GREB1L: variants seen among roughly 807,000 people sequenced by gnomAD.
The protein encoded by GREB1L is GREB1 like retinoic acid receptor coactivator.
GREB1L carries 17 observed loss-of-function variants against 200.8 expected under a neutral mutation model. That is an observed-to-expected ratio of 0.08 (90% confidence interval 0.06 to 0.13). The LOEUF is 0.13. GREB1L is among the 10% of genes least tolerant of loss of function. The pLI, the probability that GREB1L is intolerant of heterozygous loss-of-function variation, is 1.00. For synonymous variants in GREB1L, 789 were observed against 893.0 expected, an observed-to-expected ratio of 0.88 and a Z score of 2.08; for missense variants, 1,657 against 2,367.7, an observed-to-expected ratio of 0.70 and a Z score of 6.23.
chr18:21,460,367 C>A (rs1033514933), intron 15 of GREB1L, among the ~76,000 whole-genome samples: 1 of 151,912 alleles, frequency 6.6e-6, no homozygotes, highest in African/African-American at 2.4e-5. Flanking sequence ...ATTTTTGAGA[C>A]AGAGTTTCGC....
At chr18:21,463,814 A>G (rs532733637) in intron 15 of GREB1L, among the ~76,000 whole-genome samples, 1 of 152,266 alleles carries the variant, frequency 6.6e-6, no homozygotes, top group African/African-American at 2.4e-5. Flanking sequence ...GAGCACATGG[A>G]GCATTTAGGT....
At chr18:21,405,588 G>C (rs1393060857) in intron 7 of GREB1L, among the ~76,000 whole-genome samples, 1 of 152,036 alleles carries the variant, frequency 6.6e-6, no homozygotes, top group Non-Finnish European at 1.5e-5. Flanking sequence ...ATCACTTGAG[G>C]TCAGGAGTTC....
At chr18:21,247,951 G>A (rs1292741015) in intron 1 of GREB1L, among the ~76,000 whole-genome samples, 2 of 152,156 alleles carry the variant, frequency 1.3e-5, no homozygotes, top group African/African-American at 4.8e-5. Context: ...TGATACTGAA[G>A]CACTGTTCTA....
intron 1 of GREB1L, among the ~76,000 whole-genome samples, chr18:21,278,389 AAAATAAATAAAT>A (rs67061918): frequency 0.023 from 2,896 of 125,602 alleles, 123 homozygotes; most frequent in African/African-American, 0.083. Flanking sequence ...TCAAAAAAAA[AAAATAAATAAAT>A]AAATAAATAA....
intron 10 of GREB1L, among the ~76,000 whole-genome samples, chr18:21,442,480 T>G (rs2033952379): frequency 6.6e-6 from 1 of 152,202 alleles, no homozygotes; most frequent in Non-Finnish European, 1.5e-5. Context: ...TAGGAAGCTC[T>G]TTTTGAACAT....
intron 7 of GREB1L, among the ~76,000 whole-genome samples, chr18:21,422,055 C>G (rs1414410051): frequency 1.3e-5 from 2 of 152,176 alleles, no homozygotes; most frequent in African/African-American, 4.8e-5. Flanking sequence ...CTGTGACTTG[C>G]TCAAGGAACT....
rs2145905068 is a variant in GREB1L at position 21,496,398 on chromosome 18, A to G, written c.3147-56A>G. ...TGCATCCAGATCACCAGGCACACAT[A>G]CACACTGCGTGCCTGGCCAGATAGA... is the stretch of plus-strand genomic sequence containing the variant. On this transcript the variant is annotated intron_variant, in intron 20 of 32. Coordinates refer to ENST00000424526, the MANE Select transcript of GREB1L (RefSeq NM_001142966.3). The G allele has an allele frequency of 2.6e-6, 4 of 1,533,202 alleles. No individual in the cohort carries two copies. The East Asian group carries it at 7.3e-5, about 28-fold the overall frequency. The allele number at this position is 1,533,202 out of a possible 1,614,324, so 95.0% of individuals were successfully genotyped here. A position where few individuals can be genotyped will look rare whatever the true frequency, so the allele number is the denominator to read the frequency against.
chr18:21,414,013 G>A (rs72881395), intron 7 of GREB1L, among the ~76,000 whole-genome samples: 31,032 of 152,118 alleles, frequency 0.2, 3,814 homozygotes, highest in East Asian at 0.43. Context: ...TTGGCAATAT[G>A]TAACAAGAAC....
chr18:21,254,224 C>A (rs1176193129), intron 1 of GREB1L, among the ~76,000 whole-genome samples: 1 of 151,824 alleles, frequency 6.6e-6, no homozygotes, highest in Non-Finnish European at 1.5e-5. Context: ...CACACTTCAT[C>A]ACACCCAGCT....
At chr18:21,373,981 T>C (rs1272098002) in intron 2 of GREB1L, among the ~76,000 whole-genome samples, 1 of 152,116 alleles carries the variant, frequency 6.6e-6, no homozygotes, top group Non-Finnish European at 1.5e-5. Flanking sequence ...TAGTCTCGTA[T>C]GTCTTCTAAC....
rs577178865 is a variant in GREB1L, at chr18:21,525,742, A to AGAT, written c.*2923_*2925dup. On this transcript the variant is annotated 3_prime_UTR_variant, in exon 33 of 33. Transcript: ENST00000424526. ...AAGTTGCTAGAACTATGTAGTATGA[A>AGAT]GATGCTGTTATTGTAGTATGAATTA... Among the ~76,000 whole-genome samples the AGAT allele has an allele frequency of 3.9e-5, 6 of 152,352 alleles. No homozygotes were observed. Among genetic ancestry groups the AGAT allele is most frequent in the African/African-American group, 1.4e-4 (6 of 41,596 alleles).
At chr18:21,353,325 A>G (rs1244306247) in intron 1 of GREB1L, among the ~76,000 whole-genome samples, 1 of 152,182 alleles carries the variant, frequency 6.6e-6, no homozygotes, top group Non-Finnish European at 1.5e-5. Flanking sequence ...ATTAACCGAG[A>G]CAGGGTATGC....
chr18:21,516,567 T>C, intron 29 of GREB1L, 46 bp from the exon 30 acceptor site: 1 of 1,523,212 alleles, frequency 6.6e-7, no homozygotes, highest in Non-Finnish European at 8.9e-7. Context: ...TTATCATGGT[T>C]GAGATATGCC....
Position 21,444,221 on chromosome 18 carries a change from C to T in GREB1L, c.1208-3C>T. On this transcript the variant is annotated splice_region_variant and splice_polypyrimidine_tract_variant and intron_variant, in intron 10 of 32. Coordinates refer to ENST00000424526, the MANE Select transcript of GREB1L (RefSeq NM_001142966.3). ...CTGTACTGACCTGCTTCTATTGGGA[C>T]AGGCTATGGCACTTTACCCTATTTC... The T allele has an allele frequency of 6.5e-7, 1 of 1,548,142 alleles. No individual in the cohort carries two copies. Among genetic ancestry groups the T allele is most frequent in the South Asian group, 1.2e-5 (1 of 83,894 alleles).
chr18:21,282,551 TA>T (rs2038286744), intron 1 of GREB1L, among the ~76,000 whole-genome samples: 2 of 152,192 alleles, frequency 1.3e-5, no homozygotes, highest in South Asian at 4.1e-4. Flanking sequence ...GCTACATAGT[TA>T]TTGTTGACAG....
chr18:21,332,570 G>A (rs2039121620), intron 1 of GREB1L, among the ~76,000 whole-genome samples: 1 of 152,090 alleles, frequency 6.6e-6, no homozygotes, highest in Non-Finnish European at 1.5e-5. Flanking sequence ...CACTTCCTGG[G>A]TTTAAGCGAT....
chr18:21,345,893 C>G (rs2039337423), intron 1 of GREB1L, among the ~76,000 whole-genome samples: 1 of 147,948 alleles, frequency 6.8e-6, no homozygotes. Flanking sequence ...AAAAAAAGTA[C>G]TTACAGGGTA....
At chr18:21,320,340 G>A (rs1198366029) in intron 1 of GREB1L, among the ~76,000 whole-genome samples, 1 of 152,104 alleles carries the variant, frequency 6.6e-6, no homozygotes, top group African/African-American at 2.4e-5. Flanking sequence ...TATATAAAAT[G>A]TATGTATAAA....
intron 2 of GREB1L, among the ~76,000 whole-genome samples, chr18:21,367,913 G>A (rs1208711895): frequency 1.3e-5 from 2 of 152,180 alleles, no homozygotes; most frequent in African/African-American, 4.8e-5. Context: ...CCGCTTATAT[G>A]ATTGTGGATA....
Sources: allele counts gnomAD v4.1 joint callset (sites outside exome capture counted in the v4.1 genomes callset), GRCh38; gene constraint gnomAD v4.1.1; transcripts MANE v1.5; gene names NCBI Gene and HGNC (gene_info 2026-07-23, HGNC 2026-07-21).